The following KIRREL3 variants were observed in gnomAD, a reference collection of about 807,000 sequenced individuals.
KIRREL3 encodes kin of IRRE-like protein 3.
KIRREL3 carries 36 observed loss-of-function variants against 89.7 expected under a neutral mutation model. That is an observed-to-expected ratio of 0.40 (90% CI 0.31 to 0.53). The LOEUF is 0.53. KIRREL3 is among the 20% of genes least tolerant of loss of function. The pLI, the probability that KIRREL3 is intolerant of heterozygous loss-of-function variation, is 0.49. For missense variants in KIRREL3, 864 were observed against 1,056.6 expected (o/e 0.82, Z 2.53); for synonymous variants, 445 against 441.4 (o/e 1.01, Z -0.10).
intron 1 of KIRREL3, among the ~76,000 whole-genome samples, chr11:126,803,734 C>T (rs1951113285): frequency 6.6e-6 from 1 of 152,082 alleles, no homozygotes; most frequent in Non-Finnish European, 1.5e-5. Flanking sequence ...ACACCGCCAC[C>T]CCCAACTCAG....
chr11:126,700,677 G>T (rs1307555848), intron 1 of KIRREL3, among the ~76,000 whole-genome samples: 1 of 152,158 alleles, frequency 6.6e-6, no homozygotes, highest in African/African-American at 2.4e-5. Context: ...AGCAGCCGGG[G>T]CTCTGAGGAG....
At position 126,802,858 on chromosome 11, in the gene KIRREL3, T is replaced by C. The variant is rs1337018881; in HGVS notation, c.55+197597A>G. Among the ~76,000 whole-genome samples, 1 of 152,224 alleles carries C rather than the reference T, an allele frequency of 6.6e-6. No homozygotes were observed. Among genetic ancestry groups the C allele is most frequent in the Non-Finnish European group, 1.5e-5 (1 of 68,042 alleles). On this transcript the variant is annotated intron_variant, in intron 1 of 16. Transcript: ENST00000525144. The surrounding 1 kb of genome is among the most constrained non-coding windows in gnomAD (Gnocchi z 5.2). ...ATGCCATAGGAACTTAACTCTTGTT[T>C]ATATCAATTAGCCTGTGGGAAAATT... is the stretch of plus-strand genomic sequence containing the variant.
chr11:126,923,129 C>CT (rs1555090094), intron 1 of KIRREL3, among the ~76,000 whole-genome samples: 2,210 of 25,784 alleles, frequency 0.086, 543 homozygotes, highest in African/African-American at 0.22. Flanking sequence ...TCTCCTTCTT[C>CT]TCTTCTTCTT....
chr11:126,570,765 GT>G lies in KIRREL3; in HGVS notation c.56-7854del, dbSNP rs1460263874. On this transcript the variant is annotated intron_variant, in intron 1 of 16. Transcript: ENST00000525144. The surrounding 1 kb of genome is among the most constrained non-coding windows in gnomAD (Gnocchi z 6.1). ...CCAGCTGTGGGGTCTAGAATTATCT[GT>G]GCTGCTATGTCTCAGATCCTGTGTG... is the stretch of plus-strand genomic sequence containing the variant. Among the ~76,000 whole-genome samples the G allele has an allele frequency of 7.2e-5, 11 of 152,222 alleles. No individual in the cohort carries two copies. Among genetic ancestry groups the G allele is most frequent in the Non-Finnish European group, 1.5e-4 (10 of 68,050 alleles).
In KIRREL3 at chr11:126,459,103, C is replaced by T. The variant is rs555511173; in HGVS notation, c.743-2649G>A. On this transcript the variant is annotated intron_variant, in intron 6 of 16. Coordinates refer to ENST00000525144, the MANE Select transcript of KIRREL3 (RefSeq NM_032531.4). This position sits in a 1 kb window ranked among gnomAD's most constrained non-coding sequence, Gnocchi z 4.8. Reference sequence around the variant, plus strand: ...CAAACGCATTGCTGGCCCGTGCCCTCGCATTATAAAGGCCAACGCTGGGAC... The same window carrying T: ...CAAACGCATTGCTGGCCCGTGCCCTTGCATTATAAAGGCCAACGCTGGGAC... 1.0e-3 allele frequency among the ~76,000 whole-genome samples: 155 copies of T among 152,180 alleles called. No individual in the cohort carries two copies. The highest frequency in any genetic ancestry group is 3.2e-3 in the African/African-American group (133 of 41,498).
chr11:126,743,582 A>T (rs1194710923), intron 1 of KIRREL3, among the ~76,000 whole-genome samples: 1 of 152,252 alleles, frequency 6.6e-6, no homozygotes, highest in Non-Finnish European at 1.5e-5. Context: ...TTCTTGTTGG[A>T]CGAATGGCAG....
intron 10 of KIRREL3, among the ~76,000 whole-genome samples, chr11:126,442,700 C>T (rs1260636048): frequency 6.6e-6 from 1 of 152,266 alleles, no homozygotes; most frequent in Non-Finnish European, 1.5e-5. Flanking sequence ...CGTCCCCCCT[C>T]CCTCTGCCTG....
Position 126,761,403 on chromosome 11 carries a change from A to G in KIRREL3, c.56-198491T>C, listed in dbSNP as rs1423292477. Among the ~76,000 whole-genome samples, 1 of 152,196 alleles carries G rather than the reference A, an allele frequency of 6.6e-6. No individual in the cohort carries two copies. The highest frequency in any genetic ancestry group is 1.5e-5 in the Non-Finnish European group (1 of 68,032). On this transcript the variant is annotated intron_variant, in intron 1 of 16. Coordinates refer to ENST00000525144, the MANE Select transcript of KIRREL3 (RefSeq NM_032531.4). This position sits in a 1 kb window ranked among gnomAD's most constrained non-coding sequence, Gnocchi z 4.4. ...AGCAACTTGCCTGCTTGTCCCCAGC[A>G]AAGGGCAGTGTCCAGAGTCCATTCT...
chr11:126,790,416 A>G (rs1453625254), intron 1 of KIRREL3, among the ~76,000 whole-genome samples: 1 of 152,232 alleles, frequency 6.6e-6, no homozygotes, highest in Non-Finnish European at 1.5e-5. Context: ...GACATTGGTC[A>G]TCGAAGTTAA....
chr11:126,861,014 G>C (rs938026231), intron 1 of KIRREL3, among the ~76,000 whole-genome samples: 1 of 151,988 alleles, frequency 6.6e-6, no homozygotes, highest in African/African-American at 2.4e-5. Context: ...TTTCTCTCTG[G>C]GTTCTCTAGA....
chr11:126,780,548 G>A lies in KIRREL3; in HGVS notation c.56-217636C>T, dbSNP rs532725094. Among the ~76,000 whole-genome samples the A allele has an allele frequency of 6.6e-6, 1 of 152,332 alleles. No homozygotes were observed. Among genetic ancestry groups the A allele is most frequent in the Non-Finnish European group, 1.5e-5 (1 of 68,032 alleles). ...ATTTGGGGGCTGAGATTTCTCATCA[G>A]TATATATCTTCCCCGAGCAGCCTCT... On this transcript the variant is annotated intron_variant, in intron 1 of 16. Transcript: ENST00000525144. The surrounding 1 kb of genome is among the most constrained non-coding windows in gnomAD (Gnocchi z 5.3).
Position 126,655,602 on chromosome 11 carries a change from G to T in KIRREL3, c.56-92690C>A, listed in dbSNP as rs1246481163. On this transcript the variant is annotated intron_variant, in intron 1 of 16. Transcript: ENST00000525144. This position sits in a 1 kb window ranked among gnomAD's most constrained non-coding sequence, Gnocchi z 5.0. ...GGGGACTGGAACCACTTTGCAAAGA[G>T]CGCAGATCTGCAGTTTTCACAACGC... Among the ~76,000 whole-genome samples, 1 of 152,208 alleles carries T rather than the reference G, an allele frequency of 6.6e-6. No homozygotes were observed. Among genetic ancestry groups the T allele is most frequent in the Non-Finnish European group, 1.5e-5 (1 of 68,030 alleles).
In KIRREL3 at chr11:126,771,572, C is replaced by T. The variant is rs1304694482; in HGVS notation, c.56-208660G>A. 5.9e-5 allele frequency among the ~76,000 whole-genome samples: 9 copies of T among 152,118 alleles called. No individual in the cohort carries two copies. Among genetic ancestry groups the T allele is most frequent in the South Asian group, 2.1e-4 (1 of 4,822 alleles). On this transcript the variant is annotated intron_variant, in intron 1 of 16. Coordinates refer to ENST00000525144, the MANE Select transcript of KIRREL3 (RefSeq NM_032531.4). This position sits in a 1 kb window ranked among gnomAD's most constrained non-coding sequence, Gnocchi z 4.4. ...AACCTGCAATTACTTTTGCACCAAC[C>T]GAAATAGTTTTACCAGGGCAGGGAG...
rs1211794291 is a variant in KIRREL3 at position 126,918,344 on chromosome 11, C to T, written c.55+82111G>A. On this transcript the variant is annotated intron_variant, in intron 1 of 16. Transcript: ENST00000525144. The surrounding 1 kb of genome is among the most constrained non-coding windows in gnomAD (Gnocchi z 6.5). ...AAGACTTTGCCACACCATGGTACCT[C>T]CCCCTGCATTTATTTTGGCAATTTG... is the stretch of plus-strand genomic sequence containing the variant. Among the ~76,000 whole-genome samples, 1 of 152,122 alleles carries T rather than the reference C, an allele frequency of 6.6e-6. No individual in the cohort carries two copies. The highest frequency in any genetic ancestry group is 1.5e-5 in the Non-Finnish European group (1 of 68,020).
intron 1 of KIRREL3, among the ~76,000 whole-genome samples, chr11:126,718,409 C>T (rs977590757): frequency 7.2e-5 from 11 of 152,238 alleles, no homozygotes; most frequent in Admixed American, 3.9e-4. Flanking sequence ...AAAGATGACT[C>T]ACCAAATCAC....
chr11:126,563,765 C>T lies in KIRREL3; in HGVS notation c.56-853G>A, dbSNP rs1478046844. On this transcript the variant is annotated intron_variant, in intron 1 of 16. Coordinates refer to ENST00000525144, the MANE Select transcript of KIRREL3 (RefSeq NM_032531.4). This position sits in a 1 kb window ranked among gnomAD's most constrained non-coding sequence, Gnocchi z 6.8. ...GCATTAAATTGGAGTCCATCTGCCT[C>T]ACAAGAAGGCAAGCTTTCCTCTCTG... is the stretch of plus-strand genomic sequence containing the variant. Among the ~76,000 whole-genome samples, 1 of 152,228 alleles carries T rather than the reference C, an allele frequency of 6.6e-6. No individual in the cohort carries two copies. Among genetic ancestry groups the T allele is most frequent in the African/African-American group, 2.4e-5 (1 of 41,444 alleles).
rs904972682 is a variant in KIRREL3, at chr11:126,736,608, C to T, written c.56-173696G>A. Among the ~76,000 whole-genome samples the T allele has an allele frequency of 6.6e-6, 1 of 152,062 alleles. No individual in the cohort carries two copies. Among genetic ancestry groups the T allele is most frequent in the Non-Finnish European group, 1.5e-5 (1 of 68,018 alleles). On this transcript the variant is annotated intron_variant, in intron 1 of 16. Transcript: ENST00000525144. The surrounding 1 kb of genome is among the most constrained non-coding windows in gnomAD (Gnocchi z 5.0). The stretch of plus-strand genomic sequence containing the variant: ...AAGTGGGGGAGTAGGGGTACCTGCT[C>T]CTGGCCTCCAGTGAGGAGCCCAGGG...
At position 126,677,434 on chromosome 11, in the gene KIRREL3, T is replaced by C. The variant is rs1946244806; in HGVS notation, c.56-114522A>G. Among the ~76,000 whole-genome samples the C allele has an allele frequency of 6.6e-6, 1 of 152,220 alleles. No homozygotes were observed. Among genetic ancestry groups the C allele is most frequent in the Non-Finnish European group, 1.5e-5 (1 of 68,034 alleles). The stretch of plus-strand genomic sequence containing the variant: ...AAGGATGTTGGCATAGTCTGGGTGC[T>C]TTGCTATCTATTATCTCCTCTAATT... On this transcript the variant is annotated intron_variant, in intron 1 of 16. Transcript: ENST00000525144. This position sits in a 1 kb window ranked among gnomAD's most constrained non-coding sequence, Gnocchi z 5.1.
rs1445301553 is a variant in KIRREL3 at position 126,587,998 on chromosome 11, C to CG, written c.56-25087dup. Among the ~76,000 whole-genome samples the CG allele has an allele frequency of 6.6e-6, 1 of 152,028 alleles. No homozygotes were observed. The highest frequency in any genetic ancestry group is 6.6e-5 in the Admixed American group (1 of 15,264). ...GACTGGAAGACTCAGATCTAGGGCTCGGGGGAAAGCATTGGGCCATGAGGT... is the reference window on the plus strand; with the variant it reads ...GACTGGAAGACTCAGATCTAGGGCTCGGGGGGAAAGCATTGGGCCATGAGGT... On this transcript the variant is annotated intron_variant, in intron 1 of 16. Coordinates refer to ENST00000525144, the MANE Select transcript of KIRREL3 (RefSeq NM_032531.4). The surrounding 1 kb of genome is among the most constrained non-coding windows in gnomAD (Gnocchi z 5.2).
Sources: allele counts gnomAD v4.1 joint callset (sites outside exome capture counted in the v4.1 genomes callset), GRCh38; gene constraint gnomAD v4.1.1; non-coding constraint Gnocchi (gnomAD v3.1); transcripts MANE v1.5; gene names NCBI Gene and HGNC (gene_info 2026-07-23, HGNC 2026-07-21).